MUSK: variants seen among roughly 807,000 people sequenced by gnomAD.
The protein encoded by MUSK is muscle associated receptor tyrosine kinase, also known as muscle, skeletal receptor tyrosine-protein kinase.
MUSK carries 55 observed loss-of-function variants against 88.7 expected under a neutral mutation model. The ratio of observed to expected loss-of-function variants is 0.62; its 90% CI spans 0.50 to 0.78. The LOEUF (loss-of-function observed/expected upper bound fraction) is 0.78, where lower values mean the gene tolerates loss of function less well. Ranked by LOEUF, MUSK falls within the 30% of genes least tolerant of loss-of-function variation. MUSK has a pLI of 0.00. For synonymous variants in MUSK, 387 were observed against 391.9 expected (o/e 0.99, Z 0.15); for missense variants, 1,015 against 1,074.3 (o/e 0.94, Z 0.77).
At chr9:110,747,903 T>C (rs1417238493) in intron 7 of MUSK, 103 bp downstream of exon 7, 3 of 1,431,538 alleles carry the variant, frequency 2.1e-6, no homozygotes, top group Non-Finnish European at 2.9e-6. Context: ...TTTTATCTCT[T>C]ATTTCAGTTG....
intron 7 of MUSK, among the ~76,000 whole-genome samples, chr9:110,752,912 C>A (rs2077265571): frequency 6.6e-6 from 1 of 152,120 alleles, no homozygotes; most frequent in South Asian, 2.1e-4. Context: ...ACTTTTGGAA[C>A]CTCTCCCTAT....
chr9:110,773,212 G>A (rs536708666), intron 9 of MUSK, among the ~76,000 whole-genome samples: 1 of 152,128 alleles, frequency 6.6e-6, no homozygotes, highest in South Asian at 2.1e-4. Flanking sequence ...GGTGTTAAAT[G>A]TCATGGAAAA....
intron 2 of MUSK, among the ~76,000 whole-genome samples, chr9:110,685,813 T>C (rs544860987): frequency 1.2e-4 from 19 of 152,290 alleles, no homozygotes; most frequent in South Asian, 6.2e-4. Flanking sequence ...AACACACGTA[T>C]TTCTATTAAC....
intron 5 of MUSK, among the ~76,000 whole-genome samples, chr9:110,721,191 G>T (rs1202166920): frequency 6.6e-6 from 1 of 152,066 alleles, no homozygotes; most frequent in Non-Finnish European, 1.5e-5. Flanking sequence ...AGACAAGGAT[G>T]CCCACTTTCA....
At position 110,734,268 on chromosome 9, in the gene MUSK, C is replaced by A. The variant is rs369353843; in HGVS notation, c.646C>A (p.Arg216=). 3.1e-6 allele frequency: 5 copies of A among 1,612,272 alleles called. No individual in the cohort carries two copies. The African/African-American group carries it at 4.0e-5, about 13-fold the overall frequency. ...CCTAACAGTTTTTGCCAGGATCCTG[C>A]GGGCTCCTGAATCCCACAATGTCAC... is the stretch of plus-strand genomic sequence containing the variant. ...LEVEVFARIL[R]APESHNVTFG... is the part of the protein sequence containing the mutation. Residue 216 remains arginine (R), a synonymous_variant, in exon 6 of 15, where the codon CGG becomes AGG. Transcript: ENST00000374448.
chr9:110,681,081 T>TATATA (rs1488197442), intron 1 of MUSK, among the ~76,000 whole-genome samples: 1 of 12,434 alleles, frequency 8.0e-5, no homozygotes, highest in African/African-American at 4.7e-4. Context: ...TTATATATAT[T>TATATA]ATATAATATA....
At position 110,689,981 on chromosome 9, in the gene MUSK, A is replaced by C. The variant is rs796802896; in HGVS notation, c.358+2713A>C. Among the ~76,000 whole-genome samples, 470 of 72,398 alleles carry C rather than the reference A, an allele frequency of 6.5e-3. 2 individuals are homozygous for C. Among genetic ancestry groups the C allele is most frequent in the South Asian group, 0.018 (38 of 2,098 alleles). 47.5% of individuals were successfully genotyped at this position (72,398 alleles called of 152,430 possible). A position where few individuals can be genotyped will look rare whatever the true frequency, so the allele number is the denominator to read the frequency against. Reference sequence around the variant, plus strand: ...ATATATATTTATATATTATATTATAAATATTATAATTATATATTATATATT... The same window carrying C: ...ATATATATTTATATATTATATTATACATATTATAATTATATATTATATATT... On this transcript the variant is annotated intron_variant, in intron 3 of 14. Transcript: ENST00000374448.
intron 5 of MUSK, among the ~76,000 whole-genome samples, chr9:110,719,249 G>T (rs4538957): frequency 0.88 from 134,369 of 152,088 alleles, 59,768 homozygotes; most frequent in African/African-American, 0.94. Flanking sequence ...ATACTAACGT[G>T]GAATGTAAAT....
At chr9:110,798,519 T>C (rs1485272611) in intron 14 of MUSK, among the ~76,000 whole-genome samples, 1 of 152,168 alleles carries the variant, frequency 6.6e-6, no homozygotes, top group Admixed American at 6.5e-5. Context: ...TTTAAAGACA[T>C]GGCTTGGGCT....
chr9:110,801,743 T>G lies in MUSK; in HGVS notation c.*755T>G, dbSNP rs2078100688. The G allele has an allele frequency of 6.6e-6, 1 of 152,218 alleles. No individual in the cohort carries two copies. Among genetic ancestry groups the G allele is most frequent in the Admixed American group, 6.5e-5 (1 of 15,286 alleles). 9.4% of individuals were successfully genotyped at this position (152,218 alleles called of 1,614,324 possible). The stretch of plus-strand genomic sequence containing the variant: ...AAACAAGTTTTTGTATCTTACTGAT[T>G]TACCTTTTCCTTTAAAAATTGTATT... On this transcript the variant is annotated 3_prime_UTR_variant, in exon 15 of 15. Transcript: ENST00000374448.
chr9:110,754,134 AG>A (rs2077282692), intron 7 of MUSK, among the ~76,000 whole-genome samples: 2 of 152,210 alleles, frequency 1.3e-5, no homozygotes, highest in South Asian at 4.1e-4. Flanking sequence ...AATTAATTAA[AG>A]TCATTTTGTT....
rs548342308 is a variant in MUSK at position 110,755,104 on chromosome 9, T to A, written c.914-7098T>A. On this transcript the variant is annotated intron_variant, in intron 7 of 14. Coordinates refer to ENST00000374448, the MANE Select transcript of MUSK (RefSeq NM_005592.4). ...ATGATTTTCCTATTGTCCAGCAAAT[T>A]ATCTCGCAGTTGGAGTCCTGCAAAT... Among the ~76,000 whole-genome samples the A allele has an allele frequency of 1.2e-4, 18 of 152,314 alleles. No homozygotes were observed. The South Asian group carries it at 3.3e-3, about 28-fold the overall frequency.
chr9:110,767,914 A>G lies in MUSK; in HGVS notation c.1015A>G (p.Thr339Ala). 6.2e-7 allele frequency: 1 copy of G among 1,613,584 alleles called. No individual in the cohort carries two copies. Among genetic ancestry groups the G allele is most frequent in the South Asian group, 1.1e-5 (1 of 91,052 alleles). The part of the protein sequence containing the change: ...LAKDALVFLN[T>A]SYADPEEAQE... ...AAAAGATGCTCTTGTTTTTCTCAAC[A>G]CCTCCTATGCGGACCCTGAGGAGGC... Residue 339 changes from threonine to alanine, a missense_variant, in exon 9 of 15, where the codon ACC becomes GCC. Coordinates refer to ENST00000374448, the MANE Select transcript of MUSK (RefSeq NM_005592.4).
chr9:110,675,639 G>A (rs1298785188), intron 1 of MUSK, among the ~76,000 whole-genome samples: 2 of 128,184 alleles, frequency 1.6e-5, no homozygotes, highest in Non-Finnish European at 3.2e-5. Flanking sequence ...GTGCGGTCTC[G>A]GCTCACTGCA....
intron 5 of MUSK, among the ~76,000 whole-genome samples, chr9:110,701,297 G>A (rs2076497267): frequency 1.3e-5 from 2 of 152,226 alleles, no homozygotes; most frequent in South Asian, 2.1e-4. Flanking sequence ...ACAGGTGTAA[G>A]TTCAGAAAAT....
chr9:110,746,512 C>T (rs1205693593), intron 6 of MUSK, among the ~76,000 whole-genome samples: 1 of 152,144 alleles, frequency 6.6e-6, no homozygotes, highest in Non-Finnish European at 1.5e-5. Context: ...CAAATTCTAA[C>T]TATGCAACCT....
Position 110,785,460 on chromosome 9 carries a change from T to TA in MUSK, c.1587-65dup, listed in dbSNP as rs1451742229. On this transcript the variant is annotated intron_variant, in intron 12 of 14. Transcript: ENST00000374448. The stretch of plus-strand genomic sequence containing the variant: ...CTTAAATGCCATATTTCTTAGAATC[T>TA]AAGTCTAAGTACAAAGATCTAACCT... 4 of 1,289,134 alleles carry TA rather than the reference T, an allele frequency of 3.1e-6. No individual in the cohort carries two copies. In the African/African-American group the frequency reaches 6.0e-5, roughly 19 times the overall value. The allele number at this position is 1,289,134 out of a possible 1,614,324, so 79.9% of individuals were successfully genotyped here. A position where few individuals can be genotyped will look rare whatever the true frequency, so the allele number is the denominator to read the frequency against.
intron 14 of MUSK, among the ~76,000 whole-genome samples, chr9:110,789,780 G>GA (rs35732450): frequency 3.2e-4 from 48 of 148,034 alleles, no homozygotes; most frequent in South Asian, 4.3e-4. Flanking sequence ...CTCCATCTGG[G>GA]AAAAAAAAAA....
intron 3 of MUSK, among the ~76,000 whole-genome samples, chr9:110,691,086 A>G (rs893379090): frequency 6.6e-6 from 1 of 151,642 alleles, no homozygotes; most frequent in Non-Finnish European, 1.5e-5. Context: ...GCCAGTCTCA[A>G]ACTCCTAACC....
Sources: gnomAD v4.1 joint callset for allele counts (sites outside exome capture counted in the v4.1 genomes callset) on GRCh38, gnomAD v4.1.1 for gene constraint, MANE v1.5 for transcripts, NCBI Gene and HGNC (gene_info 2026-07-23, HGNC 2026-07-21) for gene names.